The following SLIT3 variants were observed in gnomAD, a reference collection of about 807,000 sequenced individuals.
The protein encoded by SLIT3 is slit homolog 3 protein.
Under a neutral mutation model 184.0 loss-of-function variants are expected in SLIT3, and 68 were observed. The ratio of observed to expected loss-of-function variants is 0.37; its 90% CI spans 0.30 to 0.45. The LOEUF (loss-of-function observed/expected upper bound fraction) is 0.45, where lower values mean the gene tolerates loss of function less well. SLIT3 is among the 20% of genes least tolerant of loss of function. The pLI, the probability that SLIT3 is intolerant of heterozygous loss-of-function variation, is 1.00. For synonymous variants in SLIT3, 831 were observed against 828.6 expected, an observed-to-expected ratio of 1.00 and a Z score of -0.05; for missense variants, 1,707 against 2,026.0, an observed-to-expected ratio of 0.84 and a Z score of 3.02.
chr5:169,300,171 C>A lies in SLIT3; in HGVS notation c.197+342G>T, dbSNP rs1767638021. The stretch of plus-strand genomic sequence containing the variant: ...CGCCCCCCTTTTTAACGAGCGCAGA[C>A]CCCTGACCCTCACCCTAAGACCTTG... On this transcript the variant is annotated intron_variant, in intron 1 of 35. Coordinates refer to ENST00000519560, the MANE Select transcript of SLIT3 (RefSeq NM_003062.4). This position sits in a 1 kb window ranked among gnomAD's most constrained non-coding sequence, Gnocchi z 4.1. Among the ~76,000 whole-genome samples the A allele has an allele frequency of 6.6e-6, 1 of 152,208 alleles. No individual in the cohort carries two copies. The highest frequency in any genetic ancestry group is 1.9e-4 in the East Asian group (1 of 5,190).
At chr5:169,239,461 G>T (rs1001303478) in intron 3 of SLIT3, among the ~76,000 whole-genome samples, 1 of 152,004 alleles carries the variant, frequency 6.6e-6, no homozygotes, top group Non-Finnish European at 1.5e-5. Context: ...TAGATTTTTT[G>T]ATGGAATGTT....
At chr5:168,767,404 G>A (rs1210223973) in intron 14 of SLIT3, among the ~76,000 whole-genome samples, 1 of 152,182 alleles carries the variant, frequency 6.6e-6, no homozygotes, top group Non-Finnish European at 1.5e-5. Context: ...AGCAAAATAA[G>A]AGGTACCAAG....
intron 6 of SLIT3, among the ~76,000 whole-genome samples, chr5:168,827,314 G>A (rs1010516707): frequency 5.9e-5 from 9 of 152,176 alleles, no homozygotes; most frequent in East Asian, 5.8e-4. Context: ...TCTGGGGTGC[G>A]TTTCTTTCAG....
intron 4 of SLIT3, among the ~76,000 whole-genome samples, chr5:169,096,995 G>T (rs893038568): frequency 1.3e-5 from 2 of 152,158 alleles, no homozygotes; most frequent in East Asian, 1.9e-4. Flanking sequence ...AGTTCCTGGG[G>T]GTTGTAACAA....
At chr5:169,274,623 C>A (rs965971822) in intron 1 of SLIT3, among the ~76,000 whole-genome samples, 2 of 152,154 alleles carry the variant, frequency 1.3e-5, no homozygotes, top group African/African-American at 2.4e-5. Flanking sequence ...CTGGATTTGG[C>A]AAGCCTGGAA....
intron 4 of SLIT3, among the ~76,000 whole-genome samples, chr5:169,061,268 A>G (rs1758164908): frequency 6.6e-6 from 1 of 152,154 alleles, no homozygotes; most frequent in South Asian, 2.1e-4. Flanking sequence ...AGTTTGGTCC[A>G]AGGGACCAGG....
intron 5 of SLIT3, among the ~76,000 whole-genome samples, chr5:168,864,602 C>T (rs964532133): frequency 1.3e-5 from 2 of 152,170 alleles, no homozygotes; most frequent in African/African-American, 2.4e-5. Context: ...GCATTCCCAC[C>T]GTCAGTGTGA....
intron 4 of SLIT3, among the ~76,000 whole-genome samples, chr5:169,128,626 T>TCAC (rs1761173242): frequency 6.6e-6 from 1 of 152,130 alleles, no homozygotes. Flanking sequence ...AGACGAGGTT[T>TCAC]CACCATCTTG....
rs7706085 is a variant in SLIT3 at position 168,712,934 on chromosome 5, T to G, written c.2484-580A>C. The stretch of plus-strand genomic sequence containing the variant: ...TTAATCCACGTAGAGAGAGCCAGCA[T>G]TTTCTAAGTGCTAAATGACTAATCA... On this transcript the variant is annotated intron_variant, in intron 23 of 35. Transcript: ENST00000519560. Among the ~76,000 whole-genome samples the G allele has an allele frequency of 5.1e-3, 777 of 152,326 alleles. 3 individuals carry two copies. The highest frequency in any genetic ancestry group is 0.018 in the African/African-American group (744 of 41,570).
At chr5:168,731,985 T>C (rs1763303221) in intron 20 of SLIT3, among the ~76,000 whole-genome samples, 1 of 151,966 alleles carries the variant, frequency 6.6e-6, no homozygotes, top group South Asian at 2.1e-4. Context: ...GCATCCAAAT[T>C]GGAAAAGAGG....
At chr5:168,988,438 A>G (rs973036826) in intron 4 of SLIT3, among the ~76,000 whole-genome samples, 2 of 152,184 alleles carry the variant, frequency 1.3e-5, no homozygotes, top group African/African-American at 2.4e-5. Flanking sequence ...TGCCCAGGTC[A>G]CATGGCTGGG....
At chr5:168,837,970 T>TG (rs1220526720) in intron 6 of SLIT3, among the ~76,000 whole-genome samples, 1 of 152,196 alleles carries the variant, frequency 6.6e-6, no homozygotes, top group Non-Finnish European at 1.5e-5. Context: ...CCTTTATGTC[T>TG]GGGGCAGTTT....
At chr5:169,110,131 A>AG (rs1760360460) in intron 4 of SLIT3, among the ~76,000 whole-genome samples, 1 of 152,170 alleles carries the variant, frequency 6.6e-6, no homozygotes, top group Non-Finnish European at 1.5e-5. Flanking sequence ...TACAGGTGTG[A>AG]GCCACCACGC....
intron 3 of SLIT3, among the ~76,000 whole-genome samples, chr5:169,229,574 T>C (rs1446102002): frequency 6.6e-6 from 1 of 152,142 alleles, no homozygotes; most frequent in Admixed American, 6.5e-5. Context: ...TGGCATGGGA[T>C]GTTTGACCTA....
chr5:169,229,214 A>ATT lies in SLIT3; in HGVS notation c.341+15489_341+15490dup, dbSNP rs72344992. The stretch of plus-strand genomic sequence containing the variant: ...AAATGCAGAAGTCGATCCTTCAGCT[A>ATT]TTTTTTTTTTCCAAATTCTACCAAA... On this transcript the variant is annotated intron_variant, in intron 3 of 35. Coordinates refer to ENST00000519560, the MANE Select transcript of SLIT3 (RefSeq NM_003062.4). Among the ~76,000 whole-genome samples, 344 of 150,572 alleles carry ATT rather than the reference A, an allele frequency of 2.3e-3. 1 individual carries two copies. The highest frequency in any genetic ancestry group is 3.5e-3 in the Non-Finnish European group (237 of 67,466).
intron 4 of SLIT3, among the ~76,000 whole-genome samples, chr5:168,947,076 TGAGA>T (rs1762504361): frequency 6.6e-6 from 1 of 152,180 alleles, no homozygotes; most frequent in East Asian, 1.9e-4. Flanking sequence ...TTGATCTGCA[TGAGA>T]AAGTCAGTAT....
intron 26 of SLIT3, among the ~76,000 whole-genome samples, chr5:168,706,203 C>A (rs1228407169): frequency 6.6e-6 from 1 of 152,226 alleles, no homozygotes; most frequent in East Asian, 1.9e-4. Flanking sequence ...AGTATGCCAG[C>A]TTATTGAGTG....
chr5:169,163,530 C>G (rs1276268314), intron 4 of SLIT3, among the ~76,000 whole-genome samples: 2 of 152,152 alleles, frequency 1.3e-5, no homozygotes, highest in Admixed American at 1.3e-4. Context: ...CTGTGGACAT[C>G]ATAGCGGCTC....
chr5:168,839,178 T>A (rs1378548498), intron 6 of SLIT3, among the ~76,000 whole-genome samples: 5 of 152,174 alleles, frequency 3.3e-5, no homozygotes, highest in Admixed American at 1.3e-4. Context: ...GGACTCCACA[T>A]CACTAAGCTC....
Sources: gnomAD v4.1 joint callset for allele counts (sites outside exome capture counted in the v4.1 genomes callset) on GRCh38, gnomAD v4.1.1 for gene constraint, Gnocchi (gnomAD v3.1) non-coding constraint, MANE v1.5 for transcripts, NCBI Gene and HGNC (gene_info 2026-07-23, HGNC 2026-07-21) for gene names.